The following FAM171A1 variants were observed in gnomAD, a reference collection of about 807,000 sequenced individuals.
FAM171A1 encodes the protein family with sequence similarity 171 member A1.
In FAM171A1, 23 loss-of-function variants were observed where a neutral mutation model predicts 74.9. The observed-to-expected ratio is 0.31, with a 90% CI of 0.22 to 0.44. FAM171A1 has a LOEUF of 0.44. FAM171A1 is among the 20% of genes least tolerant of loss of function. FAM171A1 has a pLI of 1.00. For synonymous variants in FAM171A1, 527 were observed against 505.7 expected (o/e 1.04, Z -0.57); for missense variants, 1,162 against 1,159.2 (o/e 1.00, Z -0.03).
intron 1 of FAM171A1, among the ~76,000 whole-genome samples, chr10:15,348,111 G>A (rs1177543959): frequency 1.3e-5 from 2 of 151,938 alleles, no homozygotes; most frequent in Non-Finnish European, 2.9e-5. Context: ...CCGAGTAGCT[G>A]GGATTACAAG....
At chr10:15,283,411 T>C (rs1181623286) in intron 2 of FAM171A1, among the ~76,000 whole-genome samples, 2 of 152,202 alleles carry the variant, frequency 1.3e-5, no homozygotes, top group African/African-American at 2.4e-5. Flanking sequence ...TGATCTCCAT[T>C]GTATCTGTAT....
At position 15,273,502 on chromosome 10, in the gene FAM171A1, A is replaced by C. The variant is rs187425751; in HGVS notation, c.418+2353T>G. On this transcript the variant is annotated intron_variant, in intron 3 of 7. Transcript: ENST00000378116. ...GTACCATTCCTTGTAAAACTATTCCAATCAATAGAAAAAGAGGGAATCTTC... is the reference window on the plus strand; with the variant it reads ...GTACCATTCCTTGTAAAACTATTCCCATCAATAGAAAAAGAGGGAATCTTC... Among the ~76,000 whole-genome samples, 24 of 152,354 alleles carry C rather than the reference A, an allele frequency of 1.6e-4. 1 individual carries two copies. In the East Asian group the frequency reaches 3.5e-3, roughly 22 times the overall value.
At chr10:15,234,871 C>A (rs1037266552) in intron 5 of FAM171A1, among the ~76,000 whole-genome samples, 2 of 151,918 alleles carry the variant, frequency 1.3e-5, no homozygotes, top group Non-Finnish European at 1.5e-5. Flanking sequence ...ACTGTGTTAG[C>A]CAGGATGGTC....
At chr10:15,263,733 A>ATCTATCTG (rs1357362936) in intron 3 of FAM171A1, among the ~76,000 whole-genome samples, 162 of 131,830 alleles carry the variant, frequency 1.2e-3, no homozygotes, top group African/African-American at 4.3e-3. Context: ...CTATCTATCT[A>ATCTATCTG]TCTGTCTGTC....
At chr10:15,245,365 C>A (rs1834419110) in intron 5 of FAM171A1, among the ~76,000 whole-genome samples, 1 of 152,198 alleles carries the variant, frequency 6.6e-6, no homozygotes, top group Non-Finnish European at 1.5e-5. Context: ...TGGTGCCCGG[C>A]CCAATCTGTT....
At chr10:15,245,318 T>C (rs1222268454) in intron 5 of FAM171A1, among the ~76,000 whole-genome samples, 1 of 152,176 alleles carries the variant, frequency 6.6e-6, no homozygotes, top group Admixed American at 6.5e-5. Flanking sequence ...CTGCCTGTCT[T>C]GGCCTCCCAA....
chr10:15,223,669 C>T (rs1834068744), intron 5 of FAM171A1, among the ~76,000 whole-genome samples: 1 of 151,890 alleles, frequency 6.6e-6, no homozygotes, highest in African/African-American at 2.4e-5. Flanking sequence ...GAGGCTGAGG[C>T]TGGTGGATCA....
intron 3 of FAM171A1, 51 bp from the exon 4 acceptor site, chr10:15,254,930 T>G (rs747664951): frequency 6.3e-7 from 1 of 1,575,840 alleles, no homozygotes; most frequent in African/African-American, 1.4e-5. Context: ...TTTCTGTTTT[T>G]AGAAAATGCA....
intron 1 of FAM171A1, among the ~76,000 whole-genome samples, chr10:15,352,078 CA>C (rs35033407): frequency 6.0e-5 from 7 of 116,378 alleles, no homozygotes; most frequent in Admixed American, 1.6e-4. Context: ...TGTAAAAATA[CA>C]AAAAAAAAAA....
At chr10:15,278,603 C>T (rs754562844) in intron 2 of FAM171A1, among the ~76,000 whole-genome samples, 17 of 152,126 alleles carry the variant, frequency 1.1e-4, no homozygotes, top group Non-Finnish European at 2.4e-4. Context: ...TGTGCTACAA[C>T]GTGGATGAAT....
chr10:15,360,851 T>G lies in FAM171A1; in HGVS notation c.97+10105A>C, dbSNP rs1835985180. ...GGCAGCCCAACATCACCCTGGCGGT[T>G]CTGGTAGCCAAGCCACACTTTCGAC... On this transcript the variant is annotated intron_variant, in intron 1 of 7. Transcript: ENST00000378116. 2.6e-5 allele frequency among the ~76,000 whole-genome samples: 4 copies of G among 152,346 alleles called. No individual in the cohort carries two copies. In the South Asian group the frequency reaches 8.3e-4, roughly 32 times the overall value.
chr10:15,312,673 GTTTTTTTTTTTTTTTTTTTTTTT>G (rs1169098742), intron 1 of FAM171A1, among the ~76,000 whole-genome samples: 583 of 36,402 alleles, frequency 0.016, 7 homozygotes, highest in Middle Eastern at 0.1. Flanking sequence ...AGCACTGTGT[GTTTTTTTTTTTTTTTTTTTTTTT>G]TTTTTTTTTT....
chr10:15,310,391 G>A (rs933901606), intron 1 of FAM171A1, among the ~76,000 whole-genome samples: 1 of 152,146 alleles, frequency 6.6e-6, no homozygotes, highest in Non-Finnish European at 1.5e-5. Context: ...GGTTAAACAT[G>A]TCCTACAAAT....
intron 1 of FAM171A1, among the ~76,000 whole-genome samples, chr10:15,321,734 A>G (rs1261285809): frequency 1.3e-5 from 2 of 152,236 alleles, no homozygotes; most frequent in Non-Finnish European, 2.9e-5. Context: ...AAATGGTTTG[A>G]GCATTAAGTC....
At chr10:15,352,992 G>T (rs922925559) in intron 1 of FAM171A1, among the ~76,000 whole-genome samples, 4 of 152,232 alleles carry the variant, frequency 2.6e-5, no homozygotes, top group Non-Finnish European at 4.4e-5. Context: ...GCAGGGCCTG[G>T]ATAGCAAAGC....
chr10:15,316,850 A>G (rs1835427954), intron 1 of FAM171A1, among the ~76,000 whole-genome samples: 1 of 152,178 alleles, frequency 6.6e-6, no homozygotes, highest in Admixed American at 6.5e-5. Flanking sequence ...ATGTGCTTTG[A>G]CAAGCAGTTT....
chr10:15,306,451 G>A (rs1219694628), intron 1 of FAM171A1, among the ~76,000 whole-genome samples: 2 of 151,426 alleles, frequency 1.3e-5, no homozygotes, highest in African/African-American at 4.9e-5. Context: ...TGCCACCTCT[G>A]CCTCCTGGGT....
At chr10:15,249,064 C>A (rs1834474202) in intron 4 of FAM171A1, among the ~76,000 whole-genome samples, 1 of 150,702 alleles carries the variant, frequency 6.6e-6, no homozygotes, top group Admixed American at 6.6e-5. Context: ...TCAGTATGGG[C>A]TGAGCTGGAA....
chr10:15,300,753 G>A (rs1195832349), intron 1 of FAM171A1, among the ~76,000 whole-genome samples: 1 of 152,126 alleles, frequency 6.6e-6, no homozygotes, highest in East Asian at 1.9e-4. Flanking sequence ...TGTAAGAAAT[G>A]GGGTAGTGGC....
Sources: allele counts gnomAD v4.1 joint callset (sites outside exome capture counted in the v4.1 genomes callset), GRCh38; gene constraint gnomAD v4.1.1; transcripts MANE v1.5; gene names NCBI Gene and HGNC (gene_info 2026-07-23, HGNC 2026-07-21).